AFF2: variants seen among roughly 807,000 people sequenced by gnomAD.
The protein encoded by AFF2 is AF4/FMR2 family member 2.
AFF2 carries 14 observed loss-of-function variants against 76.9 expected under a neutral mutation model. The observed-to-expected ratio is 0.18, with a 90% CI of 0.12 to 0.28. The LOEUF (loss-of-function observed/expected upper bound fraction) is 0.28. Ranked by LOEUF, AFF2 falls within the 10% of genes least tolerant of loss-of-function variation. AFF2 has a pLI of 1.00. For missense variants in AFF2, 868 were observed against 1,001.1 expected (o/e 0.87, Z 1.79); for synonymous variants, 398 against 366.7 (o/e 1.09, Z -0.98).
At chrX:148,959,954 C>G (rs782678258) in intron 12 of AFF2, among the ~76,000 whole-genome samples, 1 of 112,714 alleles carries the variant, frequency 8.9e-6, no homozygotes, top group Non-Finnish European at 1.9e-5. Flanking sequence ...GCTACACTCT[C>G]TAGGTGACCC....
intron 3 of AFF2, among the ~76,000 whole-genome samples, chrX:148,707,309 G>A (rs1407940471): frequency 9.0e-6 from 1 of 110,814 alleles, no homozygotes; most frequent in Admixed American, 9.7e-5. Flanking sequence ...CTTTTATTCA[G>A]TTTTATCTAT....
intron 1 of AFF2, among the ~76,000 whole-genome samples, chrX:148,516,461 A>G (rs1416296217): frequency 9.0e-6 from 1 of 111,645 alleles, no homozygotes; most frequent in Non-Finnish European, 1.9e-5. Context: ...CAAATAACTA[A>G]TGTTGAAGCC....
intron 1 of AFF2, among the ~76,000 whole-genome samples, chrX:148,510,560 A>G (rs1405405001): frequency 1.8e-5 from 2 of 111,719 alleles, no homozygotes; most frequent in African/African-American, 6.5e-5. Context: ...CATCCTTAGT[A>G]TTTACAAATT....
At chrX:148,917,291 G>A (rs1191305092) in intron 9 of AFF2, among the ~76,000 whole-genome samples, 1 of 111,713 alleles carries the variant, frequency 9.0e-6, no homozygotes, top group Non-Finnish European at 1.9e-5. Context: ...TGAAGATGTC[G>A]GCCTCCCTAT....
intron 1 of AFF2, among the ~76,000 whole-genome samples, chrX:148,645,838 G>A (rs1300464658): frequency 8.9e-6 from 1 of 112,140 alleles, no homozygotes; most frequent in Non-Finnish European, 1.9e-5. Flanking sequence ...AGTCTAATGG[G>A]AGACTTAGAG....
chrX:148,967,516 T>C, intron 14 of AFF2, 113 bp from the exon 15 acceptor site: 1 of 700,085 alleles, frequency 1.4e-6, no homozygotes, highest in Non-Finnish European at 2.1e-6. Context: ...TTAGTCTGCC[T>C]TTTTCAAGGC....
intron 9 of AFF2, among the ~76,000 whole-genome samples, chrX:148,918,998 T>C (rs1557282915): frequency 8.9e-6 from 1 of 111,960 alleles, no homozygotes; most frequent in East Asian, 2.8e-4. Context: ...CAAGAAAACT[T>C]GTTCAGAGAC....
At chrX:148,507,035 A>G (rs1015884573) in intron 1 of AFF2, among the ~76,000 whole-genome samples, 7 of 112,187 alleles carry the variant, frequency 6.2e-5, no homozygotes, top group Non-Finnish European at 1.3e-4. Context: ...CATTTAGCAC[A>G]GTGTTTTTCC....
At chrX:148,661,631 T>C (rs190053156) in intron 2 of AFF2, among the ~76,000 whole-genome samples, 225 of 112,310 alleles carry the variant, frequency 2.0e-3, no homozygotes, top group Middle Eastern at 4.7e-3. Flanking sequence ...TAATAAATGA[T>C]GTAATTTAAA....
At chrX:148,575,237 T>C (rs1557243255) in intron 1 of AFF2, among the ~76,000 whole-genome samples, 1 of 111,220 alleles carries the variant, frequency 9.0e-6, no homozygotes, top group Non-Finnish European at 1.9e-5. Flanking sequence ...TAATAAAGGT[T>C]GTTTATTTGT....
chrX:148,520,200 T>C (rs1182120450), intron 1 of AFF2, among the ~76,000 whole-genome samples: 16 of 111,955 alleles, frequency 1.4e-4, no homozygotes, highest in African/African-American at 5.2e-4. Flanking sequence ...TCTTTAACTT[T>C]GAGACCCCTG....
intron 1 of AFF2, among the ~76,000 whole-genome samples, chrX:148,642,618 G>A (rs987520576): frequency 8.9e-6 from 1 of 111,804 alleles, no homozygotes; most frequent in Non-Finnish European, 1.9e-5. Context: ...TATGGAACTT[G>A]GGACGTGGCG....
intron 7 of AFF2, among the ~76,000 whole-genome samples, chrX:148,850,010 T>C (rs1185569298): frequency 2.7e-5 from 3 of 111,378 alleles, no homozygotes; most frequent in African/African-American, 9.8e-5. Context: ...GTCTTGCATA[T>C]ACTACACATG....
rs782641163 is a variant in AFF2, at chrX:148,889,634, T to C, written c.1359+3649T>C. Among the ~76,000 whole-genome samples the C allele has an allele frequency of 3.6e-5, 4 of 112,243 alleles. No individual in the cohort carries two copies. In the East Asian group the frequency reaches 1.1e-3, roughly 32 times the overall value. On this transcript the variant is annotated intron_variant, in intron 8 of 20. Coordinates refer to ENST00000370460, the MANE Select transcript of AFF2 (RefSeq NM_002025.4). ...TTGTGTTTTCTCTCCAGTCCTCTAC[T>C]GCATTTGACTTTCTTGGTTGGGACT... is the stretch of plus-strand genomic sequence containing the variant.
intron 1 of AFF2, among the ~76,000 whole-genome samples, chrX:148,512,838 T>C (rs2052496958): frequency 8.9e-6 from 1 of 112,354 alleles, no homozygotes; most frequent in African/African-American, 3.2e-5. Context: ...TCTGTCTTTG[T>C]AGTTTATTCC....
chrX:148,982,294 G>A (rs782571066), intron 19 of AFF2, among the ~76,000 whole-genome samples: 174 of 112,213 alleles, frequency 1.6e-3, no homozygotes, highest in South Asian at 6.7e-3. Flanking sequence ...ACTCAAAACA[G>A]TCACTCAGGG....
At chrX:148,804,592 C>G (rs1242276802) in intron 3 of AFF2, among the ~76,000 whole-genome samples, 1 of 112,497 alleles carries the variant, frequency 8.9e-6, no homozygotes, top group Admixed American at 9.4e-5. Flanking sequence ...GACCAGGAGA[C>G]TTACTTAAAA....
intron 8 of AFF2, among the ~76,000 whole-genome samples, chrX:148,889,696 G>T (rs1433907237): frequency 1.8e-5 from 2 of 111,851 alleles, no homozygotes; most frequent in Admixed American, 1.9e-4. Flanking sequence ...GTTTTCTAAG[G>T]TGGTGGGACA....
At chrX:148,572,278 C>T (rs1010024847) in intron 1 of AFF2, among the ~76,000 whole-genome samples, 10 of 111,630 alleles carry the variant, frequency 9.0e-5, no homozygotes, top group Non-Finnish European at 1.1e-4. Flanking sequence ...GAGGATGTCG[C>T]GAAATTAACA....
Sources: allele counts gnomAD v4.1 joint callset (sites outside exome capture counted in the v4.1 genomes callset), GRCh38; gene constraint gnomAD v4.1.1; transcripts MANE v1.5; gene names NCBI Gene and HGNC (gene_info 2026-07-23, HGNC 2026-07-21).